Variants in BBC3 observed in about 807,000 individuals in gnomAD.
BBC3 encodes the protein BCL2 binding component 3.
In BBC3, 5 loss-of-function variants were observed where a neutral mutation model predicts 18.2. The ratio of observed to expected loss-of-function variants is 0.27; its 90% CI spans 0.14 to 0.58. The LOEUF is 0.58. Ranked by LOEUF, BBC3 falls within the 20% of genes least tolerant of loss-of-function variation. The pLI is 0.91. For missense variants in BBC3, 224 were observed against 268.9 expected (o/e 0.83, Z 1.17); for synonymous variants, 119 against 128.0 (o/e 0.93, Z 0.47).
upstream of BBC3, chr19:47,232,558 C>T (rs1197695213): frequency 6.5e-7 from 1 of 1,548,878 alleles, no homozygotes; most frequent in South Asian, 1.2e-5. Flanking sequence ...CAGCCCTGGG[C>T]ACCTGGCATG....
At chr19:47,232,824 A>G (rs867377598), upstream of BBC3, 5 of 397,966 alleles carry the variant, frequency 1.3e-5, no homozygotes, top group Middle Eastern at 3.8e-4. Context: ...AGGATGTCAG[A>G]CTTCTCAAAC....
rs927370782 is a variant in BBC3 at position 47,221,535 on chromosome 19, G to A, written c.*267C>T. ...CGGGCGGCTCAGTCCCCACCCCCTC[G>A]GTCACCGCCACCTTCCGATGCTGAG... On this transcript the variant is annotated 3_prime_UTR_variant, in exon 4 of 4. Coordinates refer to ENST00000439096, the MANE Select transcript of BBC3 (RefSeq NM_014417.5). The A allele has an allele frequency of 1.1e-5, 6 of 564,492 alleles. No individual in the cohort carries two copies. The highest frequency in any genetic ancestry group is 4.2e-5 in the Admixed American group (1 of 24,084). 35.0% of individuals were successfully genotyped at this position (564,492 alleles called of 1,614,324 possible).
upstream of BBC3, chr19:47,231,218 C>T: frequency 2.0e-6 from 2 of 981,692 alleles, no homozygotes; most frequent in Non-Finnish European, 2.4e-6. The surrounding 1 kb of genome is among the most constrained non-coding windows in gnomAD (Gnocchi z 4.0). Context: ...CGGCGGATCC[C>T]GGGCCCGCTC....
chr19:47,231,259 C>T, upstream of BBC3: 1 of 944,692 alleles, frequency 1.1e-6, no homozygotes, highest in Non-Finnish European at 1.3e-6. This position sits in a 1 kb window ranked among gnomAD's most constrained non-coding sequence, Gnocchi z 4.0. Flanking sequence ...CCGCCCCGCC[C>T]CCGCCCGGCG....
rs1257208003 is a variant in BBC3 at position 47,220,921 on chromosome 19, C to T, written c.*881G>A. The T allele has an allele frequency of 6.6e-6, 1 of 152,260 alleles. No homozygotes were observed. The highest frequency in any genetic ancestry group is 1.5e-5 in the Non-Finnish European group (1 of 68,064). 9.4% of individuals were successfully genotyped at this position (152,260 alleles called of 1,614,324 possible). ...TACAGAAAATTCATTCCGGTATCTACAGCAGCGCATATACAGTATCTTACA... is the reference window on the plus strand; with the variant it reads ...TACAGAAAATTCATTCCGGTATCTATAGCAGCGCATATACAGTATCTTACA... On this transcript the variant is annotated 3_prime_UTR_variant, in exon 4 of 4. Transcript: ENST00000439096.
intron 2 of BBC3, chr19:47,226,969 T>G: frequency 2.7e-4 from 102 of 372,546 alleles, no homozygotes; most frequent in Middle Eastern, 4.7e-4. Context: ...GCCAGCTACG[T>G]CCCCACGGCC....
Position 47,226,747 on chromosome 19 carries a change from C to T in BBC3, c.282G>A (p.Gln94=). Residue 94 remains glutamine (Q), a synonymous_variant, in exon 3 of 4, where the codon CAG becomes CAA. Transcript: ENST00000439096. Reference sequence around the variant, plus strand: ...GCTGCTCCGCCAGCGAGAGCGAGGGCTGAGGACCTTGGAGAGGCAGAGGGG... The same window carrying T: ...GCTGCTCCGCCAGCGAGAGCGAGGGTTGAGGACCTTGGAGAGGCAGAGGGG... ...RPRGPRPDGP[Q]PSLSLAEQHL... The T allele has an allele frequency of 7.1e-7, 1 of 1,400,858 alleles. No homozygotes were observed. The highest frequency in any genetic ancestry group is 1.5e-5 in the South Asian group (1 of 65,084). The allele number at this position is 1,400,858 out of a possible 1,614,324, so 86.8% of individuals were successfully genotyped here. A position where few individuals can be genotyped will look rare whatever the true frequency, so the allele number is the denominator to read the frequency against.
chr19:47,226,757 T>G lies in BBC3; in HGVS notation c.275-3A>C, dbSNP rs2058830299. On this transcript the variant is annotated splice_polypyrimidine_tract_variant and splice_region_variant and intron_variant, in intron 2 of 3. Coordinates refer to ENST00000439096, the MANE Select transcript of BBC3 (RefSeq NM_014417.5). ...CAGCGAGAGCGAGGGCTGAGGACCT[T>G]GGAGAGGCAGAGGGGCGCGGTCAGC... The G allele has an allele frequency of 7.2e-7, 1 of 1,390,196 alleles. No homozygotes were observed. The highest frequency in any genetic ancestry group is 1.5e-5 in the African/African-American group (1 of 65,332). The allele number at this position is 1,390,196 out of a possible 1,614,324, so 86.1% of individuals were successfully genotyped here.
At position 47,221,531 on chromosome 19, in the gene BBC3, C is replaced by T; in HGVS notation, c.*271G>A. On this transcript the variant is annotated 3_prime_UTR_variant, in exon 4 of 4. Coordinates refer to ENST00000439096, the MANE Select transcript of BBC3 (RefSeq NM_014417.5). The stretch of plus-strand genomic sequence containing the variant: ...GAGGCGGGCGGCTCAGTCCCCACCC[C>T]CTCGGTCACCGCCACCTTCCGATGC... 1.6e-6 allele frequency: 1 copy of T among 628,740 alleles called. No individual in the cohort carries two copies. The highest frequency in any genetic ancestry group is 2.6e-6 in the Non-Finnish European group (1 of 384,574). The allele number at this position is 628,740 out of a possible 1,614,324, so 38.9% of individuals were successfully genotyped here.
In BBC3 at chr19:47,230,947, C is replaced by A. The variant is rs887732537; in HGVS notation, c.-34G>T. The A allele has an allele frequency of 2.0e-6, 2 of 984,306 alleles. No individual in the cohort carries two copies. Among genetic ancestry groups the A allele is most frequent in the African/African-American group, 3.5e-5 (2 of 57,204 alleles). 61.0% of individuals were successfully genotyped at this position (984,306 alleles called of 1,614,324 possible). ...CACTCACCCCGGGGGCATGAACACGCCGGAGGGGGCGGCGGTGGGGGGCGG... is the reference window on the plus strand; with the variant it reads ...CACTCACCCCGGGGGCATGAACACGACGGAGGGGGCGGCGGTGGGGGGCGG... On this transcript the variant is annotated 5_prime_UTR_variant, in exon 1 of 4. Transcript: ENST00000439096. The surrounding 1 kb of genome is among the most constrained non-coding windows in gnomAD (Gnocchi z 6.7).
chr19:47,226,840 C>T, intron 2 of BBC3, 86 bp from the exon 3 acceptor site: 3 of 1,151,842 alleles, frequency 2.6e-6, no homozygotes, highest in East Asian at 3.2e-5. Context: ...TTCCCAGCCA[C>T]TGCTCCCCGC....
chr19:47,226,209 G>A (rs2058816425), intron 3 of BBC3, among the ~76,000 whole-genome samples: 2 of 151,570 alleles, frequency 1.3e-5, no homozygotes, highest in South Asian at 2.1e-4. Context: ...GGCGCGGCGC[G>A]GCTGCTGACT....
At position 47,231,162 on chromosome 19, in the gene BBC3, G is replaced by A; in HGVS notation, c.-249C>T. 7.1e-6 allele frequency: 7 copies of A among 984,816 alleles called. No individual in the cohort carries two copies. The highest frequency in any genetic ancestry group is 8.4e-6 in the Non-Finnish European group (7 of 829,700). The allele number at this position is 984,816 out of a possible 1,614,324, so 61.0% of individuals were successfully genotyped here. ...GATCGCTGGTGCCGCCGCCGCCGCCGCCAGGCGCCCGCTCGCATGTGGCTC... is the reference window on the plus strand; with the variant it reads ...GATCGCTGGTGCCGCCGCCGCCGCCACCAGGCGCCCGCTCGCATGTGGCTC... On this transcript the variant is annotated 5_prime_UTR_variant, in exon 1 of 4. Coordinates refer to ENST00000439096, the MANE Select transcript of BBC3 (RefSeq NM_014417.5). This position sits in a 1 kb window ranked among gnomAD's most constrained non-coding sequence, Gnocchi z 4.0.
chr19:47,221,871 C>A lies in BBC3; in HGVS notation c.513G>T (p.Leu171=). ...GCAGGAGTCCCATGATGAGATTGTA[C>A]AGGACCCTCCAGGGTGAGGGGCGGT... The part of the protein sequence containing the change: ...QRHRPSPWRV[L]YNLIMGLLPL... Residue 171 remains leucine (L), a synonymous_variant, in exon 4 of 4, where the codon CTG becomes CTT. Transcript: ENST00000439096. The A allele has an allele frequency of 6.2e-7, 1 of 1,612,768 alleles. No homozygotes were observed. Among genetic ancestry groups the A allele is most frequent in the Non-Finnish European group, 8.5e-7 (1 of 1,179,526 alleles).
chr19:47,228,613 G>A lies in BBC3; in HGVS notation c.-15-167C>T, dbSNP rs2123390521. ...CGCCCAGCCGGGGGATGACACCACC[G>A]GGTCCTGGCTGGCCTGGAGAGCCTC... On this transcript the variant is annotated intron_variant, in intron 1 of 3. Transcript: ENST00000439096. This position sits in a 1 kb window ranked among gnomAD's most constrained non-coding sequence, Gnocchi z 5.5. Among the ~76,000 whole-genome samples, 1 of 152,060 alleles carries A rather than the reference G, an allele frequency of 6.6e-6. No individual in the cohort carries two copies. The highest frequency in any genetic ancestry group is 1.5e-5 in the Non-Finnish European group (1 of 67,944).
Position 47,229,849 on chromosome 19 carries a change from CACAGACACCTGG to C in BBC3, c.-16+1068_-16+1079del, listed in dbSNP as rs2058888118. Reference sequence around the variant, plus strand: ...ACACACACTCACACCTGACAACTCACACAGACACCTGGACAGAAAACAGACATTTGCATTTAG... The same window carrying C: ...ACACACACTCACACCTGACAACTCACACAGAAAACAGACATTTGCATTTAG... On this transcript the variant is annotated intron_variant, in intron 1 of 3. Transcript: ENST00000439096. 2.0e-5 allele frequency among the ~76,000 whole-genome samples: 3 copies of C among 152,222 alleles called. No individual in the cohort carries two copies. The South Asian group carries it at 6.2e-4, about 32-fold the overall frequency.
rs1260205788 is a variant in BBC3, at chr19:47,230,751, C to T, written c.-16+178G>A. 1 of 985,116 alleles carries T rather than the reference C, an allele frequency of 1.0e-6. No homozygotes were observed. The highest frequency in any genetic ancestry group is 1.2e-6 in the Non-Finnish European group (1 of 829,870). 61.0% of individuals were successfully genotyped at this position (985,116 alleles called of 1,614,324 possible). ...TGCGCCCAGACCGGCGCCCCAACGC[C>T]GAGCCGCCTCTCACCCGGCGACCCT... On this transcript the variant is annotated intron_variant, in intron 1 of 3. Transcript: ENST00000439096. The surrounding 1 kb of genome is among the most constrained non-coding windows in gnomAD (Gnocchi z 6.7).
In BBC3 at chr19:47,221,514, C is replaced by G. The variant is rs942646701; in HGVS notation, c.*288G>C. 2.7e-6 allele frequency: 1 copy of G among 365,964 alleles called. No homozygotes were observed. Among genetic ancestry groups the G allele is most frequent in the Non-Finnish European group, 4.6e-6 (1 of 217,818 alleles). 22.7% of individuals were successfully genotyped at this position (365,964 alleles called of 1,614,324 possible). A position where few individuals can be genotyped will look rare whatever the true frequency, so the allele number is the denominator to read the frequency against. ...GATGGTGGTGGGCGGCAGAGGCGGG[C>G]GGCTCAGTCCCCACCCCCTCGGTCA... On this transcript the variant is annotated 3_prime_UTR_variant, in exon 4 of 4. Coordinates refer to ENST00000439096, the MANE Select transcript of BBC3 (RefSeq NM_014417.5).
At chr19:47,227,436 G>A (rs1366545703) in intron 2 of BBC3, among the ~76,000 whole-genome samples, 1 of 151,688 alleles carries the variant, frequency 6.6e-6, no homozygotes, top group African/African-American at 2.4e-5. Context: ...TGTGACCTTG[G>A]CCTTGAAATC....
Sources: allele counts gnomAD v4.1 joint callset (sites outside exome capture counted in the v4.1 genomes callset), GRCh38; gene constraint gnomAD v4.1.1; non-coding constraint Gnocchi (gnomAD v3.1); transcripts MANE v1.5; gene names NCBI Gene and HGNC (gene_info 2026-07-23, HGNC 2026-07-21).